CRTC3: variants seen among roughly 807,000 people sequenced by gnomAD.
CRTC3 encodes the protein CREB regulated transcription coactivator 3.
A neutral mutation model predicts 74.5 loss-of-function variants in CRTC3; 26 were observed. That is an observed-to-expected ratio of 0.35 (90% confidence interval 0.26 to 0.48). The LOEUF (loss-of-function observed/expected upper bound fraction) is 0.48, where lower values mean the gene tolerates loss of function less well. CRTC3 is among the 20% of genes least tolerant of loss of function. The pLI, the probability that CRTC3 is intolerant of heterozygous loss-of-function variation, is 0.99. For missense variants in CRTC3, 760 were observed against 787.3 expected, an observed-to-expected ratio of 0.97 and a Z score of 0.41; for synonymous variants, 377 against 325.8, an observed-to-expected ratio of 1.16 and a Z score of -1.69.
intron 14 of CRTC3, among the ~76,000 whole-genome samples, chr15:90,641,565 C>T (rs950169376): frequency 6.6e-6 from 1 of 151,874 alleles, no homozygotes; most frequent in African/African-American, 2.4e-5. Flanking sequence ...CTGGGCATGG[C>T]GGCGGGCGCC....
In CRTC3 at chr15:90,549,921, C is replaced by T. The variant is rs150769088; in HGVS notation, c.231+9784C>T. 5.6e-3 allele frequency among the ~76,000 whole-genome samples: 844 copies of T among 150,576 alleles called. 3 individuals are homozygous for T. The highest frequency in any genetic ancestry group is 9.2e-3 in the Non-Finnish European group (625 of 67,652). On this transcript the variant is annotated intron_variant, in intron 2 of 14. Transcript: ENST00000268184. ...GTTTCACCATGTTGGTCACGCCAGT[C>T]TTAAACTCCTGACCTCAGGTGATTT... is the stretch of plus-strand genomic sequence containing the variant.
At chr15:90,536,450 G>C (rs1420652323) in intron 1 of CRTC3, among the ~76,000 whole-genome samples, 1 of 149,960 alleles carries the variant, frequency 6.7e-6, no homozygotes, top group Non-Finnish European at 1.5e-5. Flanking sequence ...AGCTGTGATT[G>C]TGACACTGCA....
chr15:90,584,235 C>G (rs1037213936), intron 2 of CRTC3, among the ~76,000 whole-genome samples: 1 of 117,338 alleles, frequency 8.5e-6, no homozygotes, highest in Admixed American at 9.3e-5. Context: ...TCTTCACCAA[C>G]GCTTTTTTTT....
intron 13 of CRTC3, among the ~76,000 whole-genome samples, chr15:90,639,513 G>A (rs375952418): frequency 1.6e-4 from 24 of 147,026 alleles, no homozygotes; most frequent in African/African-American, 5.5e-4. Flanking sequence ...GCAGTGGCGT[G>A]ATCTCGGCTT....
At chr15:90,632,930 G>A (rs915603085) in intron 11 of CRTC3, among the ~76,000 whole-genome samples, 2 of 152,028 alleles carry the variant, frequency 1.3e-5, no homozygotes, top group African/African-American at 4.8e-5. Context: ...TGCTTTTTTT[G>A]TTCTACATTT....
chr15:90,598,002 A>G (rs998074455), intron 3 of CRTC3: 2 of 159,970 alleles, frequency 1.3e-5, no homozygotes, highest in African/African-American at 4.8e-5. Flanking sequence ...AATTGTGGCC[A>G]GTTTTATATA....
chr15:90,617,358 C>T (rs893502007), intron 7 of CRTC3, among the ~76,000 whole-genome samples: 18 of 152,214 alleles, frequency 1.2e-4, no homozygotes, highest in Non-Finnish European at 2.1e-4. Flanking sequence ...CCATGTCTTA[C>T]TCATTTCTGC....
Position 90,611,016 on chromosome 15 carries a change from A to G in CRTC3, c.578-3437A>G, listed in dbSNP as rs549965837. ...CACCTGCCAATAAGCTTTGACCTGC[A>G]GAGTTAAGGAGAAGGTTTACAATGC... On this transcript the variant is annotated intron_variant, in intron 6 of 14. Coordinates refer to ENST00000268184, the MANE Select transcript of CRTC3 (RefSeq NM_022769.5). 2.0e-5 allele frequency among the ~76,000 whole-genome samples: 3 copies of G among 152,314 alleles called. No individual in the cohort carries two copies. The East Asian group carries it at 5.8e-4, about 29-fold the overall frequency.
intron 10 of CRTC3, among the ~76,000 whole-genome samples, chr15:90,627,628 TTTTTTC>T (rs1223594128): frequency 6.6e-6 from 1 of 151,756 alleles, no homozygotes; most frequent in Non-Finnish European, 1.5e-5. Flanking sequence ...TTTCTTTTTT[TTTTTTC>T]TTTTTGAGAC....
chr15:90,582,570 A>G (rs1396515834), intron 2 of CRTC3, among the ~76,000 whole-genome samples: 1 of 152,222 alleles, frequency 6.6e-6, no homozygotes, highest in East Asian at 1.9e-4. Flanking sequence ...AGAGTTTTAT[A>G]TCCCCAATTT....
intron 2 of CRTC3, among the ~76,000 whole-genome samples, chr15:90,545,664 CCTCCTGGGTTCAAGCAATT>C (rs1441589936): frequency 2.2e-4 from 34 of 152,122 alleles, no homozygotes; most frequent in Non-Finnish European, 4.3e-4. Context: ...GCAACCTCCG[CCTCCTGGGTTCAAGCAATT>C]CTCCTGCCTC....
intron 11 of CRTC3, among the ~76,000 whole-genome samples, chr15:90,634,214 C>G (rs1243941375): frequency 1.3e-5 from 2 of 151,732 alleles, no homozygotes; most frequent in East Asian, 3.9e-4. Context: ...CAGGTTCAAA[C>G]CATTCTCCTG....
chr15:90,543,787 A>G (rs1966839158), intron 2 of CRTC3, among the ~76,000 whole-genome samples: 1 of 152,146 alleles, frequency 6.6e-6, no homozygotes, highest in Admixed American at 6.6e-5. Flanking sequence ...GCTCTTTGCC[A>G]TATAATCACC....
chr15:90,613,478 T>C (rs28413078), intron 6 of CRTC3, among the ~76,000 whole-genome samples: 2,589 of 152,284 alleles, frequency 0.017, 70 homozygotes, highest in African/African-American at 0.058. Context: ...ACCTGTGTTA[T>C]AGAATGTGCT....
intron 11 of CRTC3, among the ~76,000 whole-genome samples, chr15:90,630,136 G>T (rs973834406): frequency 2.6e-5 from 4 of 152,180 alleles, no homozygotes; most frequent in Non-Finnish European, 5.9e-5. Flanking sequence ...TGAGAGGAAC[G>T]GTAGGATATA....
chr15:90,624,263 A>G (rs8037259), intron 9 of CRTC3, among the ~76,000 whole-genome samples: 3,010 of 151,570 alleles, frequency 0.02, 114 homozygotes, highest in African/African-American at 0.069. Flanking sequence ...CTTTTCCTAT[A>G]TCACCCCTGG....
At chr15:90,633,077 T>A (rs1271898799) in intron 11 of CRTC3, among the ~76,000 whole-genome samples, 1 of 152,200 alleles carries the variant, frequency 6.6e-6, no homozygotes, top group Non-Finnish European at 1.5e-5. Flanking sequence ...CCTCCTCATT[T>A]ATTATAATTT....
Position 90,617,596 on chromosome 15 carries a change from C to T in CRTC3, c.614-287C>T, listed in dbSNP as rs546302908. On this transcript the variant is annotated intron_variant, in intron 7 of 14. Transcript: ENST00000268184. ...CCAGCCTGGAGTGCAGTGGCACCGT[C>T]ATGACTCAGTGCAGCCTCAGCCTCT... Among the ~76,000 whole-genome samples, 25 of 152,272 alleles carry T rather than the reference C, an allele frequency of 1.6e-4. No individual in the cohort carries two copies. The South Asian group carries it at 4.4e-3, about 27-fold the overall frequency.
chr15:90,594,288 A>G (rs1228983165), intron 3 of CRTC3: 1 of 152,292 alleles, frequency 6.6e-6, no homozygotes, highest in Non-Finnish European at 1.5e-5. Context: ...CAGTCACACC[A>G]AACTCTGCTG....
Sources: allele counts gnomAD v4.1 joint callset (sites outside exome capture counted in the v4.1 genomes callset), GRCh38; gene constraint gnomAD v4.1.1; transcripts MANE v1.5; gene names NCBI Gene and HGNC (gene_info 2026-07-23, HGNC 2026-07-21).